The following PCM1 variants were observed in gnomAD, a reference collection of about 807,000 sequenced individuals.
The protein encoded by PCM1 is pericentriolar material 1 protein.
Under a neutral mutation model 241.9 loss-of-function variants are expected in PCM1, and 157 were observed. That is an observed-to-expected ratio of 0.65 (90% confidence interval 0.57 to 0.74). The LOEUF (loss-of-function observed/expected upper bound fraction) is 0.74, where lower values mean the gene tolerates loss of function less well. Among genes scored for constraint, PCM1 ranks in the 30% least tolerant of loss-of-function variants. The pLI, the probability that PCM1 is intolerant of heterozygous loss-of-function variation, is 0.00. For synonymous variants in PCM1, 1,085 were observed against 784.9 expected, an observed-to-expected ratio of 1.38 and a Z score of -6.39; for missense variants, 3,478 against 2,360.1, an observed-to-expected ratio of 1.47 and a Z score of -9.81.
At chr8:18,001,248 T>C (rs964117410) in intron 29 of PCM1, among the ~76,000 whole-genome samples, 16 of 152,364 alleles carry the variant, frequency 1.1e-4, no homozygotes, top group African/African-American at 3.8e-4. Context: ...TTTCAGTCCC[T>C]GTTGTTAAAT....
rs1234426770 is a variant in PCM1 at position 17,986,073 on chromosome 8, GCTA to G, written c.4402_4404del (p.Thr1468del). The G allele has an allele frequency of 3.8e-6, 6 of 1,582,312 alleles. No individual in the cohort carries two copies. The highest frequency in any genetic ancestry group is 5.2e-6 in the Non-Finnish European group (6 of 1,164,790). ...AGAACTTACTCCTAGTGAGAGCCTTGCTACTACTGATGATGTAAGCTGATAATG... is the reference window on the plus strand; with the variant it reads ...AGAACTTACTCCTAGTGAGAGCCTTGCTACTGATGATGTAAGCTGATAATG... On this transcript the variant is annotated inframe_deletion, in exon 26 of 39. Transcript: ENST00000325083.
rs983189940 is a variant in PCM1 at position 18,029,585 on chromosome 8, TTGAC to T, written c.*1926_*1929del. Reference sequence around the variant, plus strand: ...TATGAACCTTATCAAAATTGCTTATTTGACTGGTGTTACAGCTGCTATTAATCTA... The same window carrying T: ...TATGAACCTTATCAAAATTGCTTATTTGGTGTTACAGCTGCTATTAATCTA... On this transcript the variant is annotated 3_prime_UTR_variant, in exon 39 of 39. Transcript: ENST00000325083. 471 of 98,290 alleles carry T rather than the reference TTGAC, an allele frequency of 4.8e-3. 3 individuals carry two copies. The highest frequency in any genetic ancestry group is 0.016 in the African/African-American group (388 of 24,504). 6.1% of individuals were successfully genotyped at this position (98,290 alleles called of 1,614,324 possible).
intron 29 of PCM1, among the ~76,000 whole-genome samples, chr8:17,999,963 G>A (rs931170756): frequency 2.0e-5 from 3 of 152,034 alleles, no homozygotes; most frequent in Admixed American, 1.3e-4. Context: ...TGCTAGAGTG[G>A]GAATACACTC....
intron 9 of PCM1, among the ~76,000 whole-genome samples, chr8:17,953,619 T>G (rs1180899958): frequency 6.6e-5 from 10 of 152,174 alleles, no homozygotes; most frequent in Admixed American, 6.5e-4. Flanking sequence ...ATGAAAAACT[T>G]TTATATATGG....
At chr8:18,014,559 TG>T in intron 35 of PCM1, 24 bp from the exon 36 acceptor site, 2 of 1,578,282 alleles carry the variant, frequency 1.3e-6, no homozygotes, top group Non-Finnish European at 8.6e-7. Context: ...ATTACACTAA[TG>T]TTAAGACTTT....
At chr8:17,996,802 G>A (rs1332588755) in intron 29 of PCM1, among the ~76,000 whole-genome samples, 1 of 152,116 alleles carries the variant, frequency 6.6e-6, no homozygotes, top group Non-Finnish European at 1.5e-5. Flanking sequence ...GAAAACTTAT[G>A]CAAATGTTAA....
At chr8:18,016,825 A>C (rs867224356) in intron 36 of PCM1, among the ~76,000 whole-genome samples, 3 of 152,190 alleles carry the variant, frequency 2.0e-5, no homozygotes, top group African/African-American at 7.2e-5. Context: ...AGTTAGGCTA[A>C]TGCTTTGCTT....
chr8:17,943,397 G>T lies in PCM1; in HGVS notation c.783+3536G>T, dbSNP rs186538665. Among the ~76,000 whole-genome samples the T allele has an allele frequency of 2.8e-3, 428 of 152,204 alleles. 2 individuals are homozygous for T. Among genetic ancestry groups the T allele is most frequent in the African/African-American group, 0.01 (416 of 41,520 alleles). ...TAGCTGATTATTTTAAAAACTAGTG[G>T]CATTGGAGAAGAGCAAATAAACATG... On this transcript the variant is annotated intron_variant, in intron 6 of 38. Coordinates refer to ENST00000325083, the MANE Select transcript of PCM1 (RefSeq NM_006197.4).
Position 17,964,654 on chromosome 8 carries a change from G to C in PCM1, c.2741G>C (p.Arg914Pro), listed in dbSNP as rs190774893. 1.9e-6 allele frequency: 3 copies of C among 1,613,748 alleles called. No individual in the cohort carries two copies. The highest frequency in any genetic ancestry group is 1.6e-4 in the Middle Eastern group (1 of 6,062). Residue 914 changes from arginine to proline, a missense_variant, in exon 18 of 39, where the codon CGG (arginine) becomes CCG (proline). Coordinates refer to ENST00000325083, the MANE Select transcript of PCM1 (RefSeq NM_006197.4). Reference protein sequence around the residue: ...EDGYLSEGIVRTDEEEEEEQD... With the variant: ...EDGYLSEGIVPTDEEEEEEQD... The stretch of plus-strand genomic sequence containing the variant: ...GGTTACCTTTCTGAAGGAATTGTTC[G>C]GACAGATGAAGAGGAGGAAGAAGAG...
At chr8:17,930,506 A>C (rs571430412) in intron 2 of PCM1, among the ~76,000 whole-genome samples, 3 of 152,128 alleles carry the variant, frequency 2.0e-5, no homozygotes, top group Non-Finnish European at 4.4e-5. Context: ...GGTGACATTT[A>C]GGTGGTTAAA....
Position 17,967,072 on chromosome 8 carries a change from C to T in PCM1, c.3314C>T (p.Pro1105Leu), listed in dbSNP as rs755393976. The T allele has an allele frequency of 1.9e-6, 3 of 1,609,272 alleles. No individual in the cohort carries two copies. Among genetic ancestry groups the T allele is most frequent in the Non-Finnish European group, 2.5e-6 (3 of 1,177,536 alleles). The change falls in exon 21 of 39, where the codon CCT becomes CTT. Residue 1105 changes from proline (P) to leucine (L), a missense_variant. By Grantham distance (98) the Pro-to-Leu change is moderately conservative. Coordinates refer to ENST00000325083, the MANE Select transcript of PCM1 (RefSeq NM_006197.4). Reference protein sequence around the residue: ...GKERGSSASHPPSPSLFCPFS... With the variant: ...GKERGSSASHLPSPSLFCPFS... Reference sequence around the variant, plus strand: ...GAAAGAGGCAGTAGTGCATCGCACCCTCCTTCTCCCAGTTTATTTTGTCCT... The same window carrying T: ...GAAAGAGGCAGTAGTGCATCGCACCTTCCTTCTCCCAGTTTATTTTGTCCT...
chr8:18,028,636 A>T lies in PCM1; in HGVS notation c.*974A>T, dbSNP rs2094373545. ...AGGTGAAGTATTGAAAGTTTATGTG[A>T]CTTTAAGTCAGCTTTTGAAAAGTGA... On this transcript the variant is annotated 3_prime_UTR_variant, in exon 39 of 39. Transcript: ENST00000325083. 5.1e-6 allele frequency: 1 copy of T among 195,140 alleles called. No individual in the cohort carries two copies. Among genetic ancestry groups the T allele is most frequent in the African/African-American group, 2.5e-5 (1 of 39,222 alleles). The allele number at this position is 195,140 out of a possible 1,614,324, so 12.1% of individuals were successfully genotyped here.
chr8:17,962,496 A>G (rs1337560141), intron 16 of PCM1, among the ~76,000 whole-genome samples: 1 of 152,206 alleles, frequency 6.6e-6, no homozygotes. Context: ...TGCAGCAAAT[A>G]GTAATCATTT....
chr8:17,978,850 A>G (rs1387717079), intron 23 of PCM1, among the ~76,000 whole-genome samples: 1 of 152,244 alleles, frequency 6.6e-6, no homozygotes, highest in African/African-American at 2.4e-5. Flanking sequence ...ATTCTAGACT[A>G]TCAACACTAG....
At chr8:17,952,323 G>T (rs993624610) in intron 8 of PCM1, among the ~76,000 whole-genome samples, 1 of 152,116 alleles carries the variant, frequency 6.6e-6, no homozygotes, top group East Asian at 1.9e-4. Flanking sequence ...GTTTACAGTG[G>T]TAGTTCTAGA....
At chr8:17,969,504 CTG>C (rs2076152035) in intron 21 of PCM1, 71 bp from the exon 22 acceptor site, 6 of 1,092,478 alleles carry the variant, frequency 5.5e-6, no homozygotes, top group African/African-American at 1.6e-5. Flanking sequence ...TTAATTAAAA[CTG>C]TCTTTTAATT....
intron 38 of PCM1, among the ~76,000 whole-genome samples, chr8:18,025,960 G>T (rs975108858): frequency 1.3e-5 from 2 of 151,574 alleles, no homozygotes; most frequent in Admixed American, 1.3e-4. Flanking sequence ...GTCAGGAGAT[G>T]GAGACCATCC....
Position 17,957,246 on chromosome 8 carries a change from C to G in PCM1, c.1647-18C>G. 1 of 1,564,448 alleles carries G rather than the reference C, an allele frequency of 6.4e-7. No homozygotes were observed. Among genetic ancestry groups the G allele is most frequent in the Non-Finnish European group, 8.6e-7 (1 of 1,156,308 alleles). ...TTTTTGTGCCTTAAATGACTTCAGG[C>G]TGTTTTCTTTCTTCTAGAAATCCAC... On this transcript the variant is annotated intron_variant, in intron 11 of 38. Coordinates refer to ENST00000325083, the MANE Select transcript of PCM1 (RefSeq NM_006197.4).
Position 17,943,074 on chromosome 8 carries a change from A to G in PCM1, c.783+3213A>G, listed in dbSNP as rs75464480. ...TATCTGTTGGCAGGAGCAAAGTACTATTTTAGTAATTGAGTATAGGTAAGA... is the reference window on the plus strand; with the variant it reads ...TATCTGTTGGCAGGAGCAAAGTACTGTTTTAGTAATTGAGTATAGGTAAGA... On this transcript the variant is annotated intron_variant, in intron 6 of 38. Transcript: ENST00000325083. Among the ~76,000 whole-genome samples, 1,116 of 151,714 alleles carry G rather than the reference A, an allele frequency of 7.4e-3. 12 individuals are homozygous for G. Among genetic ancestry groups the G allele is most frequent in the African/African-American group, 0.025 (1,017 of 41,376 alleles).
Sources: gnomAD v4.1 joint callset for allele counts (sites outside exome capture counted in the v4.1 genomes callset) on GRCh38, gnomAD v4.1.1 for gene constraint, MANE v1.5 for transcripts, NCBI Gene and HGNC (gene_info 2026-07-23, HGNC 2026-07-21) for gene names.